PEX14: variants seen among roughly 807,000 people sequenced by gnomAD.
The protein encoded by PEX14 is peroxisomal membrane protein PEX14.
Under a neutral mutation model 49.5 loss-of-function variants are expected in PEX14, and 15 were observed. The observed-to-expected ratio is 0.30, with a 90% CI of 0.20 to 0.47. PEX14 has a LOEUF of 0.47. Among genes scored for constraint, PEX14 ranks in the 20% least tolerant of loss-of-function variants. PEX14 has a pLI of 1.00. For missense variants in PEX14, 398 were observed against 494.8 expected (o/e 0.80, Z 1.86); for synonymous variants, 210 against 212.7 (o/e 0.99, Z 0.11).
intron 5 of PEX14, among the ~76,000 whole-genome samples, chr1:10,619,190 G>A (rs1641521642): frequency 6.6e-6 from 1 of 152,254 alleles, no homozygotes; most frequent in Non-Finnish European, 1.5e-5. Context: ...CAACTTGGAC[G>A]TGAAGCAAAT....
intron 7 of PEX14, among the ~76,000 whole-genome samples, chr1:10,626,714 A>C (rs746261458): frequency 1.3e-5 from 2 of 152,242 alleles, no homozygotes; most frequent in African/African-American, 4.8e-5. Context: ...GCCTCGTGGC[A>C]TTGTCCTCTG....
At chr1:10,518,894 G>A (rs542448448) in intron 2 of PEX14, among the ~76,000 whole-genome samples, 1 of 152,220 alleles carries the variant, frequency 6.6e-6, no homozygotes, top group South Asian at 2.1e-4. Context: ...GTGAAGGGGA[G>A]AGATGGTGTG....
intron 2 of PEX14, among the ~76,000 whole-genome samples, chr1:10,533,862 CA>C (rs1466035761): frequency 2.0e-5 from 3 of 152,188 alleles, no homozygotes; most frequent in Admixed American, 6.5e-5. Flanking sequence ...ATAAGAGATG[CA>C]TTTTTTTAAA....
chr1:10,483,886 A>G (rs569939166), intron 1 of PEX14, among the ~76,000 whole-genome samples: 9 of 151,064 alleles, frequency 6.0e-5, no homozygotes, highest in Admixed American at 4.6e-4. Flanking sequence ...ACTGTTTTCT[A>G]TTACTATAGA....
Position 10,504,867 on chromosome 1 carries a change from A to G in PEX14, c.84+9546A>G, listed in dbSNP as rs377132747. Among the ~76,000 whole-genome samples the G allele has an allele frequency of 3.3e-5, 5 of 150,444 alleles. No homozygotes were observed. The South Asian group carries it at 8.5e-4, about 25-fold the overall frequency. On this transcript the variant is annotated intron_variant, in intron 2 of 8. Coordinates refer to ENST00000356607, the MANE Select transcript of PEX14 (RefSeq NM_004565.3). Reference sequence around the variant, plus strand: ...AGTGGTGCCATCTTGGCTCACTGCAACCTCCGCCTCCCAGGGTCAAGCTGT... The same window carrying G: ...AGTGGTGCCATCTTGGCTCACTGCAGCCTCCGCCTCCCAGGGTCAAGCTGT...
chr1:10,536,803 A>T (rs971071191), intron 3 of PEX14, among the ~76,000 whole-genome samples: 5 of 152,252 alleles, frequency 3.3e-5, no homozygotes, highest in Non-Finnish European at 5.9e-5. Flanking sequence ...GTATTTCTGT[A>T]AACAGGGATA....
chr1:10,519,383 G>C (rs868479941), intron 2 of PEX14, among the ~76,000 whole-genome samples: 1 of 152,188 alleles, frequency 6.6e-6, no homozygotes, highest in African/African-American at 2.4e-5. Context: ...AAGAGAGAGT[G>C]CTTAAGAGGG....
intron 3 of PEX14, among the ~76,000 whole-genome samples, chr1:10,572,695 C>T (rs1640012758): frequency 6.6e-6 from 1 of 151,796 alleles, no homozygotes; most frequent in African/African-American, 2.4e-5. Context: ...CCCCACCACG[C>T]CCAGCTAATT....
At chr1:10,611,651 T>C (rs536484704) in intron 4 of PEX14, among the ~76,000 whole-genome samples, 15 of 152,350 alleles carry the variant, frequency 9.8e-5, no homozygotes, top group African/African-American at 3.4e-4. Context: ...CAACACCCGA[T>C]AGTCTCATTT....
intron 2 of PEX14, among the ~76,000 whole-genome samples, chr1:10,507,086 G>A (rs1014617997): frequency 5.3e-5 from 8 of 152,148 alleles, no homozygotes; most frequent in African/African-American, 1.9e-4. Flanking sequence ...CTTTATTTTG[G>A]TCTCGCTGTT....
chr1:10,536,308 C>CA lies in PEX14; in HGVS notation c.169+12dup. ...TCCTAAAGAAGAAAGGTACAGGTTCCACAGGGCTGTGCAGCACGGCCTACA... is the reference window on the plus strand; with the variant it reads ...TCCTAAAGAAGAAAGGTACAGGTTCCAACAGGGCTGTGCAGCACGGCCTACA... On this transcript the variant is annotated intron_variant, in intron 3 of 8. Coordinates refer to ENST00000356607, the MANE Select transcript of PEX14 (RefSeq NM_004565.3). 2.0e-6 allele frequency: 3 copies of CA among 1,533,184 alleles called. No individual in the cohort carries two copies. Among genetic ancestry groups the CA allele is most frequent in the Non-Finnish European group, 2.7e-6 (3 of 1,105,492 alleles). 95.0% of individuals were successfully genotyped at this position (1,533,184 alleles called of 1,614,324 possible). A position where few individuals can be genotyped will look rare whatever the true frequency, so the allele number is the denominator to read the frequency against.
rs1220893839 is a variant in PEX14, at chr1:10,623,460, T to C, written c.487+339T>C. 6.6e-6 allele frequency among the ~76,000 whole-genome samples: 1 copy of C among 152,118 alleles called. No homozygotes were observed. The highest frequency in any genetic ancestry group is 1.5e-5 in the Non-Finnish European group (1 of 68,018). On this transcript the variant is annotated intron_variant, in intron 6 of 8. Transcript: ENST00000356607. The surrounding 1 kb of genome is among the most constrained non-coding windows in gnomAD (Gnocchi z 4.4). Reference sequence around the variant, plus strand: ...TTTTCAGGGGGGTTTTCAGTGATTTTCCCCCTTCCCTCTAAGACTCGACTG... The same window carrying C: ...TTTTCAGGGGGGTTTTCAGTGATTTCCCCCCTTCCCTCTAAGACTCGACTG...
At chr1:10,525,181 G>A (rs1243898489) in intron 2 of PEX14, among the ~76,000 whole-genome samples, 1 of 152,142 alleles carries the variant, frequency 6.6e-6, no homozygotes, top group East Asian at 1.9e-4. Flanking sequence ...ATCAGAGAAG[G>A]CAACTGGACT....
In PEX14 at chr1:10,562,929, A is replaced by T. The variant is rs1166682068; in HGVS notation, c.169+26632A>T. ...TTCTTTCTTTCTTTTCTTTTTTTTT[A>T]GAGACAGAGTCTCTCTCTGTCGCCC... is the stretch of plus-strand genomic sequence containing the variant. On this transcript the variant is annotated intron_variant, in intron 3 of 8. Coordinates refer to ENST00000356607, the MANE Select transcript of PEX14 (RefSeq NM_004565.3). Among the ~76,000 whole-genome samples the T allele has an allele frequency of 4.9e-4, 39 of 79,532 alleles. 1 individual carries two copies. The highest frequency in any genetic ancestry group is 1.0e-3 in the African/African-American group (27 of 26,730). 52.2% of individuals were successfully genotyped at this position (79,532 alleles called of 152,430 possible). A position where few individuals can be genotyped will look rare whatever the true frequency, so the allele number is the denominator to read the frequency against.
chr1:10,553,865 G>T (rs923785320), intron 3 of PEX14, among the ~76,000 whole-genome samples: 4 of 152,108 alleles, frequency 2.6e-5, no homozygotes, highest in African/African-American at 9.7e-5. Context: ...TCTGGCCTCG[G>T]CAATTTTCAG....
At chr1:10,541,219 TGG>T (rs1638999544) in intron 3 of PEX14, among the ~76,000 whole-genome samples, 2 of 152,210 alleles carry the variant, frequency 1.3e-5, no homozygotes, top group Non-Finnish European at 1.5e-5. Flanking sequence ...AGAATTGCCC[TGG>T]GTTCAACCCT....
In PEX14 at chr1:10,628,649, C is replaced by T. The variant is rs1641819924; in HGVS notation, c.678-882C>T. ...CAGGCCATCGGGTGACCGTGGGGGC[C>T]AAGAAAACTGCACATGGAATTTCTT... On this transcript the variant is annotated intron_variant, in intron 8 of 8. Coordinates refer to ENST00000356607, the MANE Select transcript of PEX14 (RefSeq NM_004565.3). The surrounding 1 kb of genome is among the most constrained non-coding windows in gnomAD (Gnocchi z 4.5). Among the ~76,000 whole-genome samples the T allele has an allele frequency of 6.6e-6, 1 of 152,356 alleles. No individual in the cohort carries two copies. The highest frequency in any genetic ancestry group is 1.9e-4 in the East Asian group (1 of 5,176).
intron 1 of PEX14, among the ~76,000 whole-genome samples, chr1:10,486,223 A>C (rs1306379680): frequency 1.3e-5 from 2 of 152,190 alleles, no homozygotes; most frequent in Non-Finnish European, 2.9e-5. Context: ...TAACAGTGGA[A>C]GTGGATGTCC....
At chr1:10,510,473 A>G (rs1302563532) in intron 2 of PEX14, among the ~76,000 whole-genome samples, 1 of 152,168 alleles carries the variant, frequency 6.6e-6, no homozygotes, top group African/African-American at 2.4e-5. Flanking sequence ...CAGCTTATCT[A>G]CTTTGCTCTG....
Sources: allele counts gnomAD v4.1 joint callset (sites outside exome capture counted in the v4.1 genomes callset), GRCh38; gene constraint gnomAD v4.1.1; non-coding constraint Gnocchi (gnomAD v3.1); transcripts MANE v1.5; gene names NCBI Gene and HGNC (gene_info 2026-07-23, HGNC 2026-07-21).